HAUS2: variants seen among roughly 807,000 people sequenced by gnomAD.
HAUS2 encodes HAUS augmin-like complex subunit 2.
Under a neutral mutation model 21.6 loss-of-function variants are expected in HAUS2, and 20 were observed. The observed-to-expected ratio is 0.93, with a 90% CI of 0.65 to 1.35. The LOEUF (loss-of-function observed/expected upper bound fraction) is 1.35, where lower values mean the gene tolerates loss of function less well. Among genes scored for constraint, HAUS2 ranks in the 40% most tolerant of loss-of-function variants. The pLI is 0.00. For synonymous variants in HAUS2, 113 were observed against 95.6 expected, an observed-to-expected ratio of 1.18 and a Z score of -1.06; for missense variants, 297 against 280.7, an observed-to-expected ratio of 1.06 and a Z score of -0.42.
intron 4 of HAUS2, chr15:42,561,693 CATT>C: frequency 3.5e-6 from 1 of 283,484 alleles, no homozygotes; most frequent in Non-Finnish European, 6.8e-6. Context: ...GAAGTAAATT[CATT>C]GTTGTAAAGT....
intron 4 of HAUS2, among the ~76,000 whole-genome samples, chr15:42,563,112 CAAAAAAAA>C (rs1250346160): frequency 1.9e-5 from 2 of 104,502 alleles, no homozygotes; most frequent in African/African-American, 6.7e-5. Context: ...GACTCTGTCT[CAAAAAAAA>C]AAAAAAAGAA....
chr15:42,561,280 T>C lies in HAUS2; in HGVS notation c.267T>C (p.Cys89=), dbSNP rs1264255507. The C allele has an allele frequency of 6.5e-7, 1 of 1,547,362 alleles. No homozygotes were observed. The highest frequency in any genetic ancestry group is 1.7e-5 in the Admixed American group (1 of 59,884). Residue 89 remains cysteine (C), a synonymous_variant, in exon 4 of 6, where the codon TGT becomes TGC. Coordinates refer to ENST00000260372, the MANE Select transcript of HAUS2 (RefSeq NM_018097.3). ...TTTTAATTTGTATAGCTCAGAAGTG[T>C]CATACTCTGCAAAGCATGAATAATC... The part of the protein sequence containing the change: ...VVHPFFLAQK[C]HTLQSMNNHL...
rs765108849 is a variant in HAUS2, at chr15:42,561,389, G to T, written c.376G>T (p.Ala126Ser). The change falls in exon 4 of 6, where the codon GCT becomes TCT. Residue 126 changes from alanine (A) to serine (S), a missense_variant. By Grantham distance (99) the Ala-to-Ser change is moderately conservative. Coordinates refer to ENST00000260372, the MANE Select transcript of HAUS2 (RefSeq NM_018097.3). ...PMCQENLPIE[A>S]VYHRYMVHLL... ...GTGCCAGGAAAACTTACCTATTGAA[G>T]CTGTTTATCACAGGTTAGACTGAAA... The T allele has an allele frequency of 6.9e-6, 11 of 1,605,292 alleles. No homozygotes were observed.
Position 42,566,944 on chromosome 15 carries a change from A to G in HAUS2, c.*128A>G, listed in dbSNP as rs2057913199. 5.3e-6 allele frequency: 3 copies of G among 565,946 alleles called. No individual in the cohort carries two copies. The highest frequency in any genetic ancestry group is 6.7e-5 in the Admixed American group (2 of 30,060). The allele number at this position is 565,946 out of a possible 1,614,324, so 35.1% of individuals were successfully genotyped here. On this transcript the variant is annotated 3_prime_UTR_variant, in exon 6 of 6. Transcript: ENST00000260372. ...AGAACCTGCTTTATATTGGAGTATC[A>G]AGATCTCAGGTTCATTAAGACCAAA...
At chr15:42,557,986 A>T (rs1324198996) in intron 1 of HAUS2, among the ~76,000 whole-genome samples, 1 of 149,640 alleles carries the variant, frequency 6.7e-6, no homozygotes. Context: ...TGTTTCTCTT[A>T]TTTTTTTTTT....
At chr15:42,564,962 A>G (rs1047524791) in intron 5 of HAUS2, among the ~76,000 whole-genome samples, 1 of 152,096 alleles carries the variant, frequency 6.6e-6, no homozygotes, top group Non-Finnish European at 1.5e-5. Flanking sequence ...CAGCCTCCCA[A>G]GTAGCTGGGA....
At chr15:42,552,287 G>T (rs1354937161) in intron 1 of HAUS2, among the ~76,000 whole-genome samples, 2 of 152,098 alleles carry the variant, frequency 1.3e-5, no homozygotes, top group Non-Finnish European at 2.9e-5. Flanking sequence ...GCCTCCCAAA[G>T]TGCCGGGATT....
At position 42,568,142 on chromosome 15, in the gene HAUS2, A is replaced by G. The variant is rs2057924814; in HGVS notation, c.*1326A>G. Reference sequence around the variant, plus strand: ...AAGAGTAACACAGCCAGCCTGACTTATCCTTTGAAAGGCCTGATTATAAGG... The same window carrying G: ...AAGAGTAACACAGCCAGCCTGACTTGTCCTTTGAAAGGCCTGATTATAAGG... On this transcript the variant is annotated 3_prime_UTR_variant, in exon 6 of 6. Coordinates refer to ENST00000260372, the MANE Select transcript of HAUS2 (RefSeq NM_018097.3). 1 of 152,274 alleles carries G rather than the reference A, an allele frequency of 6.6e-6. No individual in the cohort carries two copies. Among genetic ancestry groups the G allele is most frequent in the South Asian group, 2.1e-4 (1 of 4,836 alleles). The allele number at this position is 152,274 out of a possible 1,614,324, so 9.4% of individuals were successfully genotyped here.
chr15:42,566,647 C>G lies in HAUS2; in HGVS notation c.539C>G (p.Thr180Arg), dbSNP rs755169594. The change falls in exon 6 of 6, where the codon ACA (threonine) becomes AGA (arginine). Residue 180 changes from threonine to arginine, a missense_variant. Coordinates refer to ENST00000260372, the MANE Select transcript of HAUS2 (RefSeq NM_018097.3). Reference protein sequence around the residue: ...LAKMDILVTETEELAENILKW... With the variant: ...LAKMDILVTEREELAENILKW... ...AAGATGGATATATTGGTGACTGAGA[C>G]AGAAGAACTGGCAGAGAATATACTC... 6.8e-6 allele frequency: 11 copies of G among 1,609,354 alleles called. No individual in the cohort carries two copies. In the Admixed American group the frequency reaches 1.7e-4, roughly 24 times the overall value.
rs369506094 is a variant in HAUS2 at position 42,549,011 on chromosome 15, G to A, written c.93+46G>A. On this transcript the variant is annotated intron_variant, in intron 1 of 5. Transcript: ENST00000260372. ...TGTCATCAAGGGGGTGCCCAAGGTG[G>A]CAACAATATGGCTGTGAGTTGGTGC... 3.3e-6 allele frequency: 4 copies of A among 1,215,900 alleles called. No individual in the cohort carries two copies. Among genetic ancestry groups the A allele is most frequent in the Non-Finnish European group, 2.4e-6 (2 of 840,918 alleles). 75.3% of individuals were successfully genotyped at this position (1,215,900 alleles called of 1,614,324 possible). A position where few individuals can be genotyped will look rare whatever the true frequency, so the allele number is the denominator to read the frequency against.
intron 5 of HAUS2, among the ~76,000 whole-genome samples, chr15:42,565,734 T>A (rs972736819): frequency 5.9e-5 from 9 of 152,140 alleles, no homozygotes; most frequent in Admixed American, 1.3e-4. Flanking sequence ...GGAGACTAAT[T>A]ACCGTCATTC....
intron 3 of HAUS2, 40 bp downstream of exon 3, chr15:42,559,448 A>G (rs762975508): frequency 3.4e-6 from 4 of 1,192,598 alleles, no homozygotes; most frequent in East Asian, 2.3e-5. Context: ...TGGAATTTCA[A>G]CTTTTTCTTG....
intron 5 of HAUS2, among the ~76,000 whole-genome samples, chr15:42,565,825 A>G (rs2057899971): frequency 6.6e-6 from 1 of 152,160 alleles, no homozygotes; most frequent in East Asian, 1.9e-4. Context: ...CTTGGCTATG[A>G]ATTGGACAAG....
chr15:42,549,664 T>C (rs1239330540), intron 1 of HAUS2, among the ~76,000 whole-genome samples: 1 of 148,154 alleles, frequency 6.7e-6, no homozygotes, highest in African/African-American at 2.5e-5. Flanking sequence ...TAAGCCAGGA[T>C]GGTCCCGATC....
intron 1 of HAUS2, among the ~76,000 whole-genome samples, chr15:42,549,192 G>A (rs550931212): frequency 2.0e-4 from 31 of 152,314 alleles, no homozygotes; most frequent in Middle Eastern, 3.4e-3. Flanking sequence ...TTGAGTGTCT[G>A]TAGGGTAAAT....
At chr15:42,557,063 G>A (rs746356094) in intron 1 of HAUS2, among the ~76,000 whole-genome samples, 1 of 150,554 alleles carries the variant, frequency 6.6e-6, no homozygotes, top group Non-Finnish European at 1.5e-5. Context: ...GCCTGTAATC[G>A]CAGCATTTTG....
rs1438167768 is a variant in HAUS2 at position 42,567,106 on chromosome 15, ATG to A, written c.*296_*297del. On this transcript the variant is annotated 3_prime_UTR_variant, in exon 6 of 6. Coordinates refer to ENST00000260372, the MANE Select transcript of HAUS2 (RefSeq NM_018097.3). The stretch of plus-strand genomic sequence containing the variant: ...GGTGGGAAATTCTCTTTTTTTAAAA[ATG>A]TGTGTTTATCGTCTGGTGTGGTGGC... 1 of 265,334 alleles carries A rather than the reference ATG, an allele frequency of 3.8e-6. No individual in the cohort carries two copies. The highest frequency in any genetic ancestry group is 2.3e-5 in the African/African-American group (1 of 43,380). 16.4% of individuals were successfully genotyped at this position (265,334 alleles called of 1,614,324 possible).
Position 42,554,702 on chromosome 15 carries a change from G to A in HAUS2, c.94-3496G>A, listed in dbSNP as rs145847445. Among the ~76,000 whole-genome samples the A allele has an allele frequency of 7.3e-3, 1,113 of 151,732 alleles. 7 individuals carry two copies. The highest frequency in any genetic ancestry group is 0.014 in the Middle Eastern group (4 of 292). On this transcript the variant is annotated intron_variant, in intron 1 of 5. Transcript: ENST00000260372. The stretch of plus-strand genomic sequence containing the variant: ...GACAGGGTTTCACCATGTTGGCCAG[G>A]CTGGTCTCCAACTTCTGATCTCAGG...
chr15:42,551,994 A>G lies in HAUS2; in HGVS notation c.93+3029A>G, dbSNP rs548162661. Among the ~76,000 whole-genome samples, 25 of 151,872 alleles carry G rather than the reference A, an allele frequency of 1.6e-4. No individual in the cohort carries two copies. In the East Asian group the frequency reaches 1.7e-3, roughly 11 times the overall value. ...GTTTTACTTTAAGCAAACTTTATAC[A>G]TAAAAACTTTTGTCTCTTTTTTTTT... is the stretch of plus-strand genomic sequence containing the variant. On this transcript the variant is annotated intron_variant, in intron 1 of 5. Coordinates refer to ENST00000260372, the MANE Select transcript of HAUS2 (RefSeq NM_018097.3).
Sources: gnomAD v4.1 joint callset for allele counts (sites outside exome capture counted in the v4.1 genomes callset) on GRCh38, gnomAD v4.1.1 for gene constraint, MANE v1.5 for transcripts, NCBI Gene and HGNC (gene_info 2026-07-23, HGNC 2026-07-21) for gene names.